The following COL15A1 variants were observed in gnomAD, a reference collection of about 807,000 sequenced individuals.
COL15A1 encodes the protein collagen alpha-1(XV) chain.
In COL15A1, 111 loss-of-function variants were observed where a neutral mutation model predicts 165.9. That is an observed-to-expected ratio of 0.67 (90% CI 0.57 to 0.78). The LOEUF (loss-of-function observed/expected upper bound fraction) is 0.78. Among genes scored for constraint, COL15A1 ranks in the 30% least tolerant of loss-of-function variants. The probability of loss-of-function intolerance (pLI) is 0.00; values close to 1 mark genes in which losing one functional copy is unlikely to be tolerated. For synonymous variants in COL15A1, 659 were observed against 674.8 expected (o/e 0.98, Z 0.36); for missense variants, 1,745 against 1,789.7 (o/e 0.98, Z 0.45).
At chr9:99,020,484 T>G (rs1333306014) in intron 12 of COL15A1, 42 bp downstream of exon 12, 2 of 1,376,838 alleles carry the variant, frequency 1.5e-6, no homozygotes, top group Admixed American at 3.4e-5. Flanking sequence ...TGGCTCCTGA[T>G]CAAGTGTCCT....
intron 2 of COL15A1, among the ~76,000 whole-genome samples, chr9:98,980,658 G>A (rs1338833881): frequency 6.6e-6 from 1 of 152,204 alleles, no homozygotes; most frequent in African/African-American, 2.4e-5. Flanking sequence ...TTCATAGAAG[G>A]CTTCTAAGCA....
At chr9:98,992,157 G>A (rs898555871) in intron 5 of COL15A1, among the ~76,000 whole-genome samples, 1 of 152,276 alleles carries the variant, frequency 6.6e-6, no homozygotes, top group Non-Finnish European at 1.5e-5. Flanking sequence ...CCGCAGAGCA[G>A]GGGGCGGTCC....
intron 28 of COL15A1, among the ~76,000 whole-genome samples, chr9:99,049,336 A>G (rs1378921471): frequency 2.0e-5 from 3 of 152,224 alleles, no homozygotes; most frequent in Non-Finnish European, 4.4e-5. Flanking sequence ...ATGCACTGAT[A>G]GGGGAGCCTT....
intron 14 of COL15A1, among the ~76,000 whole-genome samples, chr9:99,024,124 C>T (rs1156968986): frequency 1.3e-5 from 2 of 152,148 alleles, no homozygotes; most frequent in African/African-American, 2.4e-5. Flanking sequence ...ATGGCCAGGG[C>T]TAGAAGGGTT....
At chr9:99,041,171 A>T (rs1419599816) in intron 23 of COL15A1, 3 of 152,688 alleles carry the variant, frequency 2.0e-5, no homozygotes, top group Admixed American at 1.3e-4. Flanking sequence ...ACCTTCAATA[A>T]GGGAAGCTTC....
Position 99,015,335 on chromosome 9 carries a change from G to A in COL15A1, c.1354-82G>A, listed in dbSNP as rs1057393039. 5.5e-6 allele frequency: 5 copies of A among 913,508 alleles called. No homozygotes were observed. The African/African-American group carries it at 6.5e-5, about 12-fold the overall frequency. 56.6% of individuals were successfully genotyped at this position (913,508 alleles called of 1,614,324 possible). On this transcript the variant is annotated intron_variant, in intron 9 of 41. Coordinates refer to ENST00000375001, the MANE Select transcript of COL15A1 (RefSeq NM_001855.5). ...GCCTCCAGTTATCTGAGGCTTTAGC[G>A]CTTTCCACCCCCCAGCCTCACACCC...
intron 2 of COL15A1, among the ~76,000 whole-genome samples, chr9:98,947,586 T>C (rs1459330987): frequency 6.6e-6 from 1 of 152,220 alleles, no homozygotes; most frequent in Non-Finnish European, 1.5e-5. Context: ...GCCCCAGATC[T>C]GGTGGGGCTT....
At chr9:99,045,596 G>A (rs1839480817) in intron 26 of COL15A1, among the ~76,000 whole-genome samples, 1 of 152,122 alleles carries the variant, frequency 6.6e-6, no homozygotes, top group Non-Finnish European at 1.5e-5. Flanking sequence ...CTTCACATAG[G>A]TCATCTCATT....
Position 98,998,133 on chromosome 9 carries a change from G to A in COL15A1, c.952+1052G>A, listed in dbSNP as rs537931909. The stretch of plus-strand genomic sequence containing the variant: ...CTATTTACATATAGCTATGTAGAGC[G>A]ATGTGTGTGTATTAGATACATCACA... On this transcript the variant is annotated intron_variant, in intron 6 of 41. Transcript: ENST00000375001. Among the ~76,000 whole-genome samples the A allele has an allele frequency of 5.3e-5, 8 of 152,312 alleles. No homozygotes were observed. In the South Asian group the frequency reaches 6.2e-4, roughly 12 times the overall value.
Position 99,052,380 on chromosome 9 carries a change from C to G in COL15A1, c.2905-8C>G. ...GCAGTGCCTAACCTGGCCTTCCTCT[C>G]TTTCCAGGTTGATACTGCTCATCCT... On this transcript the variant is annotated splice_polypyrimidine_tract_variant and splice_region_variant and intron_variant, in intron 30 of 41. Coordinates refer to ENST00000375001, the MANE Select transcript of COL15A1 (RefSeq NM_001855.5). The G allele has an allele frequency of 1.2e-6, 2 of 1,610,046 alleles. No individual in the cohort carries two copies. The highest frequency in any genetic ancestry group is 1.1e-5 in the South Asian group (1 of 90,992).
At chr9:99,052,537 C>G in intron 31 of COL15A1, 104 bp downstream of exon 31, 2 of 924,406 alleles carry the variant, frequency 2.2e-6, no homozygotes, top group Non-Finnish European at 1.8e-6. Context: ...TCAGGAAGGT[C>G]TAACTGGATG....
At chr9:99,040,710 G>T (rs1326771376) in intron 23 of COL15A1, 154 bp downstream of exon 23, 4 of 1,393,292 alleles carry the variant, frequency 2.9e-6, no homozygotes, top group East Asian at 4.9e-5. Flanking sequence ...ATAGATATGG[G>T]GTTTTGCCAT....
intron 2 of COL15A1, among the ~76,000 whole-genome samples, chr9:98,963,204 A>G (rs1248844877): frequency 6.6e-6 from 1 of 152,190 alleles, no homozygotes; most frequent in African/African-American, 2.4e-5. Context: ...CTTGTGTGAG[A>G]AGGCACAGTT....
intron 2 of COL15A1, among the ~76,000 whole-genome samples, chr9:98,945,431 A>T (rs1315833024): frequency 6.6e-6 from 1 of 152,208 alleles, no homozygotes; most frequent in African/African-American, 2.4e-5. Context: ...CATGCTTTCT[A>T]TAGCTTCTGA....
At chr9:98,947,375 C>A (rs73500102) in intron 2 of COL15A1, among the ~76,000 whole-genome samples, 2,229 of 151,994 alleles carry the variant, frequency 0.015, 64 homozygotes, top group African/African-American at 0.051. Flanking sequence ...AAAACAGAAG[C>A]AGAGATTGAC....
intron 36 of COL15A1, among the ~76,000 whole-genome samples, chr9:99,061,473 C>A (rs1229357492): frequency 4.6e-5 from 7 of 152,132 alleles, no homozygotes; most frequent in Admixed American, 3.9e-4. Flanking sequence ...ATGTAACTAC[C>A]AAGCTAGACA....
chr9:98,943,915 C>T lies in COL15A1; in HGVS notation c.-147C>T. 6 of 1,043,792 alleles carry T rather than the reference C, an allele frequency of 5.7e-6. No individual in the cohort carries two copies. Among genetic ancestry groups the T allele is most frequent in the Non-Finnish European group, 7.7e-6 (6 of 776,460 alleles). 64.7% of individuals were successfully genotyped at this position (1,043,792 alleles called of 1,614,324 possible). The stretch of plus-strand genomic sequence containing the variant: ...GCGGGCCGGGAGCCGGGATTCTGCC[C>T]GCCGCCGCCGCTGCCGAGCGCCGCC... On this transcript the variant is annotated 5_prime_UTR_variant, in exon 1 of 42. Transcript: ENST00000375001.
intron 18 of COL15A1, 80 bp from the exon 19 acceptor site, chr9:99,035,270 G>A (rs1345224908): frequency 9.3e-6 from 15 of 1,606,780 alleles, no homozygotes; most frequent in South Asian, 4.4e-5. Flanking sequence ...CCTGTGAGCC[G>A]CCAGCTTCCA....
chr9:98,974,263 T>A (rs1468929704), intron 2 of COL15A1, among the ~76,000 whole-genome samples: 1 of 152,082 alleles, frequency 6.6e-6, no homozygotes, highest in African/African-American at 2.4e-5. Context: ...GGGTGAGCAT[T>A]GTAGGAAGCT....
Sources: gnomAD v4.1 joint callset for allele counts (sites outside exome capture counted in the v4.1 genomes callset) on GRCh38, gnomAD v4.1.1 for gene constraint, MANE v1.5 for transcripts, NCBI Gene and HGNC (gene_info 2026-07-23, HGNC 2026-07-21) for gene names.